The following METTL16 variants were observed in gnomAD, a reference collection of about 807,000 sequenced individuals.
METTL16 encodes methyltransferase 16, RNA N6-adenosine, also known as RNA N(6)-adenosine-methyltransferase METTL16.
METTL16 carries 19 observed loss-of-function variants against 57.9 expected under a neutral mutation model. The ratio of observed to expected loss-of-function variants is 0.33; its 90% confidence interval spans 0.23 to 0.48. The LOEUF (loss-of-function observed/expected upper bound fraction) is 0.48, where lower values mean the gene tolerates loss of function less well. Among genes scored for constraint, METTL16 ranks in the 20% least tolerant of loss-of-function variants. The pLI is 0.99. For missense variants in METTL16, 434 were observed against 691.5 expected (o/e 0.63, Z 4.18); for synonymous variants, 246 against 255.6 (o/e 0.96, Z 0.36).
intron 2 of METTL16, among the ~76,000 whole-genome samples, chr17:2,480,941 A>G (rs2067301312): frequency 6.6e-6 from 1 of 152,310 alleles, no homozygotes; most frequent in East Asian, 1.9e-4. Context: ...GGCAGCTCAC[A>G]CCTGTAATCC....
At position 2,493,505 on chromosome 17, in the gene METTL16, C is replaced by T. The variant is rs138475367; in HGVS notation, c.128+8699G>A. 1.7e-3 allele frequency among the ~76,000 whole-genome samples: 264 copies of T among 151,836 alleles called. 1 individual carries two copies. Among genetic ancestry groups the T allele is most frequent in the African/African-American group, 6.0e-3 (249 of 41,508 alleles). ...AGGCCAAAGCGGGCGGATCACTTGA[C>T]GTCAGGAGTTCGAGACCAGCCTAAC... On this transcript the variant is annotated intron_variant, in intron 2 of 9. Coordinates refer to ENST00000263092, the MANE Select transcript of METTL16 (RefSeq NM_024086.4).
intron 6 of METTL16, among the ~76,000 whole-genome samples, chr17:2,450,379 A>C (rs1291399217): frequency 6.6e-6 from 1 of 152,216 alleles, no homozygotes; most frequent in Non-Finnish European, 1.5e-5. Context: ...CATTTGTATG[A>C]AAAGTCTAGA....
intron 8 of METTL16, among the ~76,000 whole-genome samples, chr17:2,425,852 A>G (rs1223690819): frequency 6.6e-6 from 1 of 152,012 alleles, no homozygotes. Flanking sequence ...ATGCCTAGCT[A>G]ATTTTTGTAT....
chr17:2,489,732 C>CAAA (rs61506042), intron 2 of METTL16, among the ~76,000 whole-genome samples: 1,200 of 60,318 alleles, frequency 0.02, 145 homozygotes, highest in African/African-American at 0.096. Flanking sequence ...GAGCGAGACT[C>CAAA]AAAAAAAAAA....
At chr17:2,429,147 C>T (rs7210397) in intron 8 of METTL16, among the ~76,000 whole-genome samples, 109,223 of 150,124 alleles carry the variant, frequency 0.73, 40,049 homozygotes, top group East Asian at 0.98. Context: ...CATGAGCCAC[C>T]GTGCCCAGCC....
intron 8 of METTL16, among the ~76,000 whole-genome samples, chr17:2,423,590 G>A (rs1021311865): frequency 2.6e-5 from 4 of 151,974 alleles, no homozygotes; most frequent in African/African-American, 4.8e-5. Flanking sequence ...CCCATTCCCC[G>A]TCCCAACATC....
rs922144672 is a variant in METTL16 at position 2,416,236 on chromosome 17, G to A, written c.*3734C>T. ...GCCAAGGGTGCCCTCGTGTGGCCAC[G>A]GAGGGAAATGCCGCGGCTTCAGCAG... On this transcript the variant is annotated 3_prime_UTR_variant, in exon 10 of 10. Transcript: ENST00000263092. 1.3e-4 allele frequency: 20 copies of A among 152,262 alleles called. No individual in the cohort carries two copies. Among genetic ancestry groups the A allele is most frequent in the African/African-American group, 4.8e-4 (20 of 41,552 alleles). 9.4% of individuals were successfully genotyped at this position (152,262 alleles called of 1,614,324 possible). A position where few individuals can be genotyped will look rare whatever the true frequency, so the allele number is the denominator to read the frequency against.
chr17:2,506,394 T>G (rs2067534679), intron 1 of METTL16, among the ~76,000 whole-genome samples: 1 of 151,846 alleles, frequency 6.6e-6, no homozygotes, highest in African/African-American at 2.4e-5. Flanking sequence ...TGCCTGATTC[T>G]CCTGCCTCAG....
intron 8 of METTL16, among the ~76,000 whole-genome samples, chr17:2,429,660 T>TC (rs1164518636): frequency 6.6e-6 from 1 of 152,004 alleles, no homozygotes. Flanking sequence ...TAGGCAATGA[T>TC]CATCAATGAC....
chr17:2,436,147 G>A (rs2066907064), intron 8 of METTL16, among the ~76,000 whole-genome samples: 1 of 152,152 alleles, frequency 6.6e-6, no homozygotes, highest in Non-Finnish European at 1.5e-5. Flanking sequence ...GTCTCCACGG[G>A]GATAACTCAG....
chr17:2,480,500 G>T (rs774485818), intron 2 of METTL16, among the ~76,000 whole-genome samples: 53 of 152,228 alleles, frequency 3.5e-4, no homozygotes, highest in Non-Finnish European at 6.0e-4. Flanking sequence ...CGCTCCCATC[G>T]CTACGAGCAT....
intron 6 of METTL16, among the ~76,000 whole-genome samples, chr17:2,454,459 A>G (rs2067093639): frequency 6.6e-6 from 1 of 152,066 alleles, no homozygotes; most frequent in Non-Finnish European, 1.5e-5. Context: ...AAACTATCAT[A>G]AATTTCGAAT....
At chr17:2,492,690 GA>G (rs1175509730) in intron 2 of METTL16, among the ~76,000 whole-genome samples, 12 of 151,926 alleles carry the variant, frequency 7.9e-5, no homozygotes, top group Non-Finnish European at 1.8e-4. Flanking sequence ...AGGAGTTTGA[GA>G]CCAGCCTGGC....
At chr17:2,447,429 AC>A (rs2067009654) in intron 6 of METTL16, among the ~76,000 whole-genome samples, 1 of 124,898 alleles carries the variant, frequency 8.0e-6, no homozygotes, top group African/African-American at 3.7e-5. Context: ...CCCGGCAGCC[AC>A]CCCGTCCGGG....
At chr17:2,464,519 G>A (rs1013420350) in intron 5 of METTL16, among the ~76,000 whole-genome samples, 169 bp from the exon 6 acceptor site, 6 of 152,150 alleles carry the variant, frequency 3.9e-5, no homozygotes, top group African/African-American at 1.4e-4. Context: ...ATTTCAAACA[G>A]CTACTTCATG....
Position 2,464,370 on chromosome 17 carries a change from C to G in METTL16, c.586-20G>C. ...TACTCCCTGAAAAACAACAAAAAAC[C>G]CTGGTGAAAAATGTGTACACCCCAA... On this transcript the variant is annotated intron_variant, in intron 5 of 9. Transcript: ENST00000263092. The G allele has an allele frequency of 6.3e-7, 1 of 1,580,016 alleles. No individual in the cohort carries two copies. The highest frequency in any genetic ancestry group is 8.6e-7 in the Non-Finnish European group (1 of 1,168,050).
intron 6 of METTL16, among the ~76,000 whole-genome samples, chr17:2,448,802 T>TTAAAA (rs1555617301): frequency 2.3e-5 from 1 of 43,642 alleles, no homozygotes. Flanking sequence ...AAATAAAATT[T>TTAAAA]AAAAAAAAAA....
At chr17:2,470,352 A>G (rs1054797025) in intron 4 of METTL16, among the ~76,000 whole-genome samples, 3 of 152,188 alleles carry the variant, frequency 2.0e-5, no homozygotes, top group South Asian at 2.1e-4. Context: ...GACCAATAAA[A>G]GGACGCTTGG....
At chr17:2,482,411 A>G (rs1038791683) in intron 2 of METTL16, among the ~76,000 whole-genome samples, 1 of 152,216 alleles carries the variant, frequency 6.6e-6, no homozygotes, top group African/African-American at 2.4e-5. Context: ...CATTTTAACC[A>G]GAGAGCTAAG....
Sources: allele counts gnomAD v4.1 joint callset (sites outside exome capture counted in the v4.1 genomes callset), GRCh38; gene constraint gnomAD v4.1.1; transcripts MANE v1.5; gene names NCBI Gene and HGNC (gene_info 2026-07-23, HGNC 2026-07-21).